STARD13: variants seen among roughly 807,000 people sequenced by gnomAD.
The protein encoded by STARD13 is stAR-related lipid transfer protein 13.
A neutral mutation model predicts 106.4 loss-of-function variants in STARD13; 62 were observed. The ratio of observed to expected loss-of-function variants is 0.58; its 90% CI spans 0.48 to 0.72. STARD13 has a LOEUF of 0.72. Ranked by LOEUF, STARD13 falls within the 30% of genes least tolerant of loss-of-function variation. The probability of loss-of-function intolerance (pLI) is 0.00; values close to 1 mark genes in which losing one functional copy is unlikely to be tolerated. For missense variants in STARD13, 1,387 were observed against 1,424.0 expected (o/e 0.97, Z 0.42); for synonymous variants, 565 against 553.0 (o/e 1.02, Z -0.31).
chr13:33,534,075 T>C, the STARD13 span, among the ~76,000 whole-genome samples: 1 of 152,176 alleles, frequency 6.6e-6, no homozygotes, highest in Non-Finnish European at 1.5e-5. Flanking sequence ...AGTGGAGTGA[T>C]GGTATCACAA....
At chr13:33,118,315 A>C (rs780479898) in intron 7 of STARD13, 52 bp from the exon 8 acceptor site, 1 of 1,497,022 alleles carries the variant, frequency 6.7e-7, no homozygotes, top group Non-Finnish European at 9.3e-7. Flanking sequence ...GGTTGTGAGG[A>C]GGAGGAGGAA....
At chr13:33,471,474 C>T in the STARD13 span, among the ~76,000 whole-genome samples, 1 of 152,124 alleles carries the variant, frequency 6.6e-6, no homozygotes, top group Admixed American at 6.6e-5. Context: ...TTATTTGCTA[C>T]ATTTACAATG....
chr13:33,343,577 T>TAAAAAAAAAA (rs1292508834), intron 1 of STARD13, among the ~76,000 whole-genome samples: 5 of 37,110 alleles, frequency 1.3e-4, no homozygotes, highest in African/African-American at 2.3e-4. Context: ...GACCCTGTCT[T>TAAAAAAAAAA]AAAAAAAAAA....
At chr13:33,345,380 G>A (rs994475998), downstream of STARD13, among the ~76,000 whole-genome samples, 28 of 152,154 alleles carry the variant, frequency 1.8e-4, no homozygotes, top group African/African-American at 6.8e-4. Context: ...GTGACAGAGG[G>A]TCTTAGAAAG....
chr13:33,530,875 C>T, the STARD13 span, among the ~76,000 whole-genome samples: 1 of 152,120 alleles, frequency 6.6e-6, no homozygotes, highest in African/African-American at 2.4e-5. Flanking sequence ...CCTAGTGTTA[C>T]AGTTCATATA....
intron 1 of STARD13, among the ~76,000 whole-genome samples, chr13:33,182,127 C>G (rs1594061687): frequency 6.6e-6 from 1 of 152,200 alleles, no homozygotes; most frequent in African/African-American, 2.4e-5. Context: ...ATCATACACA[C>G]ATAGACTAAA....
the STARD13 span, among the ~76,000 whole-genome samples, chr13:33,366,504 A>G: frequency 6.6e-6 from 1 of 152,202 alleles, no homozygotes; most frequent in Non-Finnish European, 1.5e-5. This position sits in a 1 kb window ranked among gnomAD's most constrained non-coding sequence, Gnocchi z 4.2. Flanking sequence ...TAAGGCCATA[A>G]AAACTTAATC....
At chr13:33,528,249 TATATATAC>T in the STARD13 span, among the ~76,000 whole-genome samples, 5 of 130,184 alleles carry the variant, frequency 3.8e-5, no homozygotes, top group African/African-American at 1.7e-4. Flanking sequence ...TATACATATA[TATATATAC>T]ATATATATAT....
chr13:33,298,072 A>T (rs1029970926), intron 1 of STARD13, among the ~76,000 whole-genome samples: 1 of 148,660 alleles, frequency 6.7e-6, no homozygotes, highest in African/African-American at 2.5e-5. Context: ...GAGCACCCTG[A>T]CAGTTTTACT....
chr13:33,622,279 G>A, the STARD13 span, among the ~76,000 whole-genome samples: 1 of 152,174 alleles, frequency 6.6e-6, no homozygotes, highest in African/African-American at 2.4e-5. Flanking sequence ...ACCACCATCT[G>A]TATGAACATA....
chr13:33,291,945 T>C (rs1452199321), intron 1 of STARD13, among the ~76,000 whole-genome samples: 1 of 152,206 alleles, frequency 6.6e-6, no homozygotes, highest in African/African-American at 2.4e-5. Flanking sequence ...TCTTTAATCT[T>C]ATTGCAGTAG....
Position 33,108,055 on chromosome 13 carries a change from G to A in STARD13, c.3048-1121C>T, listed in dbSNP as rs186488168. ...TGCTGTGACTACTCTTTTCATGAAC[G>A]AAGATGTGATAAATCGTGACGACTG... is the stretch of plus-strand genomic sequence containing the variant. On this transcript the variant is annotated intron_variant, in intron 12 of 13. Coordinates refer to ENST00000336934, the MANE Select transcript of STARD13 (RefSeq NM_178006.4). Among the ~76,000 whole-genome samples the A allele has an allele frequency of 4.6e-3, 696 of 152,272 alleles. 4 individuals carry two copies. The highest frequency in any genetic ancestry group is 7.6e-3 in the Non-Finnish European group (514 of 68,030).
At chr13:33,208,369 A>T (rs9527205) in intron 1 of STARD13, among the ~76,000 whole-genome samples, 23,740 of 152,120 alleles carry the variant, frequency 0.16, 2,453 homozygotes, top group Admixed American at 0.3. Context: ...GTGAGCTCTA[A>T]GGCACCCAAA....
chr13:33,611,741 G>A, the STARD13 span, among the ~76,000 whole-genome samples: 1 of 152,186 alleles, frequency 6.6e-6, no homozygotes, highest in Admixed American at 6.5e-5. Flanking sequence ...GCAGTCCTTT[G>A]TAAAGCCCAG....
chr13:33,135,737 A>G (rs1878965036), intron 4 of STARD13, among the ~76,000 whole-genome samples: 1 of 152,238 alleles, frequency 6.6e-6, no homozygotes, highest in Non-Finnish European at 1.5e-5. Flanking sequence ...GTACTCAAAC[A>G]AAAGAATTTT....
At chr13:33,654,988 T>C in the STARD13 span, among the ~76,000 whole-genome samples, 2 of 152,262 alleles carry the variant, frequency 1.3e-5, no homozygotes, top group Admixed American at 6.5e-5. Context: ...TTCAGTCTGC[T>C]AGTCCCGTCC....
chr13:33,334,216 A>G (rs923032150), intron 1 of STARD13, among the ~76,000 whole-genome samples: 1 of 152,238 alleles, frequency 6.6e-6, no homozygotes, highest in Non-Finnish European at 1.5e-5. Context: ...GTATTTCCTC[A>G]ACAATTAGGT....
chr13:33,132,570 G>T (rs1878470519), intron 4 of STARD13, among the ~76,000 whole-genome samples: 2 of 152,170 alleles, frequency 1.3e-5, no homozygotes, highest in South Asian at 4.1e-4. Flanking sequence ...GTGAAAAATG[G>T]ACTAATACAG....
chr13:33,502,402 C>A, the STARD13 span, among the ~76,000 whole-genome samples: 1 of 152,152 alleles, frequency 6.6e-6, no homozygotes. Flanking sequence ...ATTGCCCTGG[C>A]CAGAACTTAC....
Sources: allele counts gnomAD v4.1 joint callset (sites outside exome capture counted in the v4.1 genomes callset), GRCh38; gene constraint gnomAD v4.1.1; non-coding constraint Gnocchi (gnomAD v3.1); transcripts MANE v1.5; gene names NCBI Gene and HGNC (gene_info 2026-07-23, HGNC 2026-07-21).